Variants in FGGY observed in about 807,000 individuals in gnomAD.
FGGY encodes FGGY carbohydrate kinase domain-containing protein.
In FGGY, 72 loss-of-function variants were observed where a neutral mutation model predicts 71.3. That is an observed-to-expected ratio of 1.01 (90% CI 0.84 to 1.23). The LOEUF is 1.23. FGGY is among the 50% of genes most tolerant of loss of function. The pLI is 0.00. For synonymous variants in FGGY, 251 were observed against 250.3 expected (o/e 1.00, Z -0.02); for missense variants, 668 against 682.3 (o/e 0.98, Z 0.23).
chr1:59,369,891 A>ACC (rs2057295918), intron 4 of FGGY, among the ~76,000 whole-genome samples: 1 of 152,202 alleles, frequency 6.6e-6, no homozygotes, highest in African/African-American at 2.4e-5. Context: ...CAGAAAGGAC[A>ACC]TCCACACCAA....
intron 11 of FGGY, among the ~76,000 whole-genome samples, chr1:59,651,703 T>C (rs1183021659): frequency 6.6e-6 from 1 of 151,162 alleles, no homozygotes; most frequent in Non-Finnish European, 1.5e-5. Flanking sequence ...TGACTCTTTA[T>C]CCAATTTGCC....
At chr1:59,424,782 A>G (rs78461854) in intron 5 of FGGY, among the ~76,000 whole-genome samples, 1,724 of 152,278 alleles carry the variant, frequency 0.011, 34 homozygotes, top group African/African-American at 0.038. Flanking sequence ...GATGGTAGGC[A>G]CCATTCAGTG....
In FGGY at chr1:59,346,402, A is replaced by G. The variant is rs779024686; in HGVS notation, c.465+4A>G. 8.1e-6 allele frequency: 13 copies of G among 1,611,200 alleles called. No individual in the cohort carries two copies. The highest frequency in any genetic ancestry group is 2.3e-4 in the Middle Eastern group (1 of 4,428). ...GAAACTTCTGTGGCTGAAAGAGGTGAGTGCATAGGGTCTAAGAGAAGATAC... is the reference window on the plus strand; with the variant it reads ...GAAACTTCTGTGGCTGAAAGAGGTGGGTGCATAGGGTCTAAGAGAAGATAC... On this transcript the variant is annotated splice_donor_region_variant and intron_variant, in intron 4 of 15. Coordinates refer to ENST00000303721, the MANE Select transcript of FGGY (RefSeq NM_018291.5).
At chr1:59,402,280 C>T (rs925648229) in intron 5 of FGGY, among the ~76,000 whole-genome samples, 1 of 152,030 alleles carries the variant, frequency 6.6e-6, no homozygotes, top group Non-Finnish European at 1.5e-5. Context: ...ATGGGTCAGC[C>T]GTGTATACTT....
intron 8 of FGGY, among the ~76,000 whole-genome samples, chr1:59,588,515 A>C (rs2096358683): frequency 6.6e-6 from 1 of 152,234 alleles, no homozygotes; most frequent in Non-Finnish European, 1.5e-5. Flanking sequence ...AGTCGAAGGA[A>C]AAAATATTAA....
chr1:59,492,165 G>GT (rs2093886727), intron 6 of FGGY, among the ~76,000 whole-genome samples: 1 of 151,908 alleles, frequency 6.6e-6, no homozygotes, highest in Non-Finnish European at 1.5e-5. Flanking sequence ...ACTATAATGC[G>GT]TCCATCAAGA....
chr1:59,486,524 C>T (rs72664601), intron 6 of FGGY, among the ~76,000 whole-genome samples: 7,646 of 152,200 alleles, frequency 0.05, 237 homozygotes, highest in East Asian at 0.12. Context: ...GGAAGTTAGG[C>T]TCTTCCCCCT....
At chr1:59,524,227 C>A (rs1187598468) in intron 7 of FGGY, among the ~76,000 whole-genome samples, 1 of 152,244 alleles carries the variant, frequency 6.6e-6, no homozygotes, top group Admixed American at 6.5e-5. Flanking sequence ...ACGCTAGCCT[C>A]CTGCCACCTT....
chr1:59,617,814 C>G (rs2096771034), intron 9 of FGGY, among the ~76,000 whole-genome samples: 1 of 152,042 alleles, frequency 6.6e-6, no homozygotes, highest in Non-Finnish European at 1.5e-5. Flanking sequence ...CTTTCTGGAA[C>G]AATTGTGCTT....
At chr1:59,594,003 T>TG in intron 8 of FGGY, among the ~76,000 whole-genome samples, 1 of 152,312 alleles carries the variant, frequency 6.6e-6, no homozygotes, top group Non-Finnish European at 1.5e-5. Context: ...TCTGCAACCC[T>TG]GGGGGGCAGC....
chr1:59,523,852 G>T (rs1558216098), intron 7 of FGGY, among the ~76,000 whole-genome samples: 2 of 152,226 alleles, frequency 1.3e-5, no homozygotes. Flanking sequence ...ATCTGACACT[G>T]ATGGCAGCAG....
intron 8 of FGGY, among the ~76,000 whole-genome samples, chr1:59,587,578 G>C (rs1258723840): frequency 6.6e-6 from 1 of 152,236 alleles, no homozygotes; most frequent in East Asian, 1.9e-4. Flanking sequence ...TCACACGGCC[G>C]GGTACTCCTC....
At chr1:59,538,149 G>A (rs185627298) in intron 7 of FGGY, among the ~76,000 whole-genome samples, 307 of 151,600 alleles carry the variant, frequency 2.0e-3, no homozygotes, top group Admixed American at 6.7e-3. Context: ...ACAAATTTAC[G>A]AGAAAAAAAC....
intron 14 of FGGY, among the ~76,000 whole-genome samples, chr1:59,682,496 C>G (rs2097510474): frequency 6.6e-6 from 1 of 152,104 alleles, no homozygotes; most frequent in Non-Finnish European, 1.5e-5. Flanking sequence ...GAATGTGACC[C>G]TCGGGTTTGT....
chr1:59,663,368 C>T (rs745491781), intron 12 of FGGY, among the ~76,000 whole-genome samples: 2 of 152,130 alleles, frequency 1.3e-5, no homozygotes, highest in Non-Finnish European at 2.9e-5. Flanking sequence ...TTCAGATATT[C>T]CTAAGAATCG....
chr1:59,641,249 TAA>T, intron 11 of FGGY: 2 of 1,584,444 alleles, frequency 1.3e-6, no homozygotes, highest in Middle Eastern at 1.7e-4. Flanking sequence ...ATCTTAATAA[TAA>T]AAAAAGAAAA....
chr1:59,587,593 A>G lies in FGGY; in HGVS notation c.904-20210A>G, dbSNP rs558786763. 3.9e-5 allele frequency among the ~76,000 whole-genome samples: 6 copies of G among 152,242 alleles called. No homozygotes were observed. In the East Asian group the frequency reaches 1.2e-3, roughly 29 times the overall value. The stretch of plus-strand genomic sequence containing the variant: ...TCACACGGCCGGGTACTCCTCTGAG[A>G]CAAAACTTCCAGAGGAACGATCAGA... On this transcript the variant is annotated intron_variant, in intron 8 of 15. Coordinates refer to ENST00000303721, the MANE Select transcript of FGGY (RefSeq NM_018291.5).
At chr1:59,344,923 G>A in intron 3 of FGGY, among the ~76,000 whole-genome samples, 1 of 152,070 alleles carries the variant, frequency 6.6e-6, no homozygotes. Flanking sequence ...TATCTCAGCT[G>A]GTGTCCTTGT....
chr1:59,372,966 A>G (rs981721099), intron 4 of FGGY, among the ~76,000 whole-genome samples: 1 of 152,192 alleles, frequency 6.6e-6, no homozygotes, highest in Non-Finnish European at 1.5e-5. Flanking sequence ...CTGAATGGGC[A>G]AAAACTGGAA....
Sources: gnomAD v4.1 joint callset for allele counts (sites outside exome capture counted in the v4.1 genomes callset) on GRCh38, gnomAD v4.1.1 for gene constraint, MANE v1.5 for transcripts, NCBI Gene and HGNC (gene_info 2026-07-23, HGNC 2026-07-21) for gene names.